GLI2: variants seen among roughly 807,000 people sequenced by gnomAD.
GLI2 encodes GLI family zinc finger 2.
In GLI2, 22 loss-of-function variants were observed where a neutral mutation model predicts 78.9. The observed-to-expected ratio is 0.28, with a 90% CI of 0.20 to 0.40. The LOEUF is 0.40. GLI2 is among the 10% of genes least tolerant of loss of function. The pLI, the probability that GLI2 is intolerant of heterozygous loss-of-function variation, is 1.00. For synonymous variants in GLI2, 974 were observed against 963.7 expected (o/e 1.01, Z -0.20); for missense variants, 2,097 against 2,213.2 (o/e 0.95, Z 1.05).
intron 3 of GLI2, among the ~76,000 whole-genome samples, chr2:120,930,450 G>C (rs568974175): frequency 6.0e-4 from 92 of 152,344 alleles, no homozygotes; most frequent in African/African-American, 1.6e-3. Context: ...AGCCCCCTGA[G>C]CTCAGGCCCT....
intron 1 of GLI2, among the ~76,000 whole-genome samples, chr2:120,784,397 G>A (rs916523807): frequency 6.6e-6 from 1 of 152,176 alleles, no homozygotes; most frequent in East Asian, 1.9e-4. Context: ...TTTTTTGAAG[G>A]GGAAGGGCAT....
chr2:120,855,067 G>A (rs1687582452), intron 2 of GLI2, among the ~76,000 whole-genome samples: 1 of 152,244 alleles, frequency 6.6e-6, no homozygotes, highest in Non-Finnish European at 1.5e-5. Flanking sequence ...TAATTTGAGA[G>A]GAGGTTTATT....
chr2:120,749,547 G>C (rs1424815053), intron 1 of GLI2, among the ~76,000 whole-genome samples: 4 of 152,214 alleles, frequency 2.6e-5, no homozygotes, highest in African/African-American at 4.8e-5. Flanking sequence ...GGCTTTGCCT[G>C]TGAGTTAACA....
At chr2:120,747,177 T>C (rs1020819130) in intron 1 of GLI2, among the ~76,000 whole-genome samples, 1 of 152,246 alleles carries the variant, frequency 6.6e-6, no homozygotes, top group Non-Finnish European at 1.5e-5. Context: ...TAGGCGTTAA[T>C]GGAGTTCCAG....
At chr2:120,836,582 G>A (rs977912062) in intron 2 of GLI2, among the ~76,000 whole-genome samples, 16 of 152,202 alleles carry the variant, frequency 1.1e-4, no homozygotes, top group African/African-American at 3.6e-4. Flanking sequence ...CTTCACAGCA[G>A]GGGTTTATAA....
rs866581891 is a variant in GLI2 at position 120,754,638 on chromosome 2, T to C, written c.-31+18353T>C. 2.0e-5 allele frequency among the ~76,000 whole-genome samples: 3 copies of C among 152,250 alleles called. No homozygotes were observed. The South Asian group carries it at 6.2e-4, about 32-fold the overall frequency. On this transcript the variant is annotated intron_variant, in intron 1 of 13. Transcript: ENST00000361492. Reference sequence around the variant, plus strand: ...GCTGAGTAGTAGTTCATCATACGGATATATCATAATTTGTTTGTCCAGATG... The same window carrying C: ...GCTGAGTAGTAGTTCATCATACGGACATATCATAATTTGTTTGTCCAGATG...
intron 2 of GLI2, among the ~76,000 whole-genome samples, chr2:120,892,511 G>T (rs1268179016): frequency 2.0e-5 from 3 of 152,210 alleles, no homozygotes; most frequent in Admixed American, 6.5e-5. Flanking sequence ...TGGATGGTTA[G>T]TGTTTGTGGC....
rs1217208986 is a variant in GLI2 at position 120,799,179 on chromosome 2, G to A, written c.148+1711G>A. On this transcript the variant is annotated intron_variant, in intron 2 of 13. Transcript: ENST00000361492. Reference sequence around the variant, plus strand: ...GCTTGAGGGATTCTCAATCTGTGGCGGGAGTAGGGGCCAGGCAGGAGGCCC... The same window carrying A: ...GCTTGAGGGATTCTCAATCTGTGGCAGGAGTAGGGGCCAGGCAGGAGGCCC... Among the ~76,000 whole-genome samples the A allele has an allele frequency of 2.0e-5, 3 of 152,302 alleles. No homozygotes were observed. In the East Asian group the frequency reaches 5.8e-4, roughly 29 times the overall value.
chr2:120,970,037 G>A (rs982840027), intron 6 of GLI2, among the ~76,000 whole-genome samples: 2 of 152,138 alleles, frequency 1.3e-5, no homozygotes, highest in Non-Finnish European at 2.9e-5. Context: ...AACAGGATTC[G>A]GAGGCCTCAT....
At chr2:120,941,739 C>A (rs1680457197) in intron 3 of GLI2, among the ~76,000 whole-genome samples, 1 of 152,220 alleles carries the variant, frequency 6.6e-6, no homozygotes, top group African/African-American at 2.4e-5. Flanking sequence ...GCTCCGTGGA[C>A]CCACCCATGG....
At position 120,990,973 on chromosome 2, in the gene GLI2, C is replaced by T; in HGVS notation, c.*298C>T. On this transcript the variant is annotated 3_prime_UTR_variant, in exon 14 of 14. Coordinates refer to ENST00000361492, the MANE Select transcript of GLI2 (RefSeq NM_001374353.1). The stretch of plus-strand genomic sequence containing the variant: ...TTACAGGACCGCGCTGTTCCGGCTT[C>T]TTCACGGCTGACATTCGGCTAACGA... The T allele has an allele frequency of 2.7e-6, 1 of 375,786 alleles. No individual in the cohort carries two copies. Among genetic ancestry groups the T allele is most frequent in the Non-Finnish European group, 4.8e-6 (1 of 208,804 alleles). 23.3% of individuals were successfully genotyped at this position (375,786 alleles called of 1,614,324 possible).
chr2:120,741,779 C>T (rs1464553528), intron 1 of GLI2, among the ~76,000 whole-genome samples: 1 of 152,104 alleles, frequency 6.6e-6, no homozygotes, highest in African/African-American at 2.4e-5. Flanking sequence ...GCGGCCCTCC[C>T]ACCTGCGCGC....
At position 120,786,780 on chromosome 2, in the gene GLI2, GCACTTTTCC is replaced by G. The variant is rs1684009941; in HGVS notation, c.-30-10510_-30-10502del. 2.0e-5 allele frequency among the ~76,000 whole-genome samples: 3 copies of G among 152,258 alleles called. No individual in the cohort carries two copies. In the East Asian group the frequency reaches 5.8e-4, roughly 29 times the overall value. On this transcript the variant is annotated intron_variant, in intron 1 of 13. Coordinates refer to ENST00000361492, the MANE Select transcript of GLI2 (RefSeq NM_001374353.1). ...CAGCAGACATTAGAAGTCGATTACT[GCACTTTTCC>G]TGACCTAAGAGATAGCCTGATGCCT...
intron 10 of GLI2, among the ~76,000 whole-genome samples, chr2:120,981,721 A>C (rs1422731293): frequency 6.6e-6 from 1 of 152,080 alleles, no homozygotes; most frequent in Non-Finnish European, 1.5e-5. Flanking sequence ...ATTCAATGCA[A>C]CCACAGTATC....
At chr2:120,862,801 C>G (rs563907049) in intron 2 of GLI2, among the ~76,000 whole-genome samples, 2 of 152,356 alleles carry the variant, frequency 1.3e-5, no homozygotes, top group African/African-American at 4.8e-5. Context: ...CGGCTCAGAG[C>G]GGGGCTCCTC....
At chr2:120,884,681 C>G (rs57864628) in intron 2 of GLI2, among the ~76,000 whole-genome samples, 1 of 152,174 alleles carries the variant, frequency 6.6e-6, no homozygotes, top group African/African-American at 2.4e-5. Flanking sequence ...CAGGCTGGGT[C>G]CCCGCAGTTC....
intron 1 of GLI2, among the ~76,000 whole-genome samples, chr2:120,744,557 T>A (rs1682643411): frequency 6.6e-6 from 1 of 152,200 alleles, no homozygotes; most frequent in African/African-American, 2.4e-5. Context: ...ACATACACAG[T>A]ATAGTATGTT....
rs533266157 is a variant in GLI2 at position 120,842,660 on chromosome 2, C to T, written c.148+45192C>T. ...GACCCTCCATAGCAAGGCTGCCCCA[C>T]ATGGCGTGGGCTGGCCTGGCCTCTG... On this transcript the variant is annotated intron_variant, in intron 2 of 13. Coordinates refer to ENST00000361492, the MANE Select transcript of GLI2 (RefSeq NM_001374353.1). Among the ~76,000 whole-genome samples, 3 of 152,352 alleles carry T rather than the reference C, an allele frequency of 2.0e-5. No homozygotes were observed. In the East Asian group the frequency reaches 5.8e-4, roughly 29 times the overall value.
At chr2:120,908,232 G>A (rs1160918653) in intron 2 of GLI2, among the ~76,000 whole-genome samples, 2 of 152,208 alleles carry the variant, frequency 1.3e-5, no homozygotes, top group Admixed American at 1.3e-4. Flanking sequence ...GCACTCAGCC[G>A]TGCTTGGCTT....
Sources: gnomAD v4.1 joint callset for allele counts (sites outside exome capture counted in the v4.1 genomes callset) on GRCh38, gnomAD v4.1.1 for gene constraint, MANE v1.5 for transcripts, NCBI Gene and HGNC (gene_info 2026-07-23, HGNC 2026-07-21) for gene names.